The following PBRM1 variants were observed in gnomAD, a reference collection of about 807,000 sequenced individuals.
The protein encoded by PBRM1 is protein polybromo-1.
Under a neutral mutation model 194.5 loss-of-function variants are expected in PBRM1, and 27 were observed. The ratio of observed to expected loss-of-function variants is 0.14; its 90% confidence interval spans 0.10 to 0.19. The LOEUF (loss-of-function observed/expected upper bound fraction) is 0.19. Among genes scored for constraint, PBRM1 ranks in the 10% least tolerant of loss-of-function variants. PBRM1 has a pLI of 1.00. For missense variants in PBRM1, 1,466 were observed against 2,077.2 expected (o/e 0.71, Z 5.72); for synonymous variants, 655 against 693.2 (o/e 0.94, Z 0.87).
intron 10 of PBRM1, among the ~76,000 whole-genome samples, chr3:52,635,972 T>C (rs2095793598): frequency 1.3e-5 from 2 of 152,308 alleles, no homozygotes; most frequent in African/African-American, 4.8e-5. Flanking sequence ...CAAATGATTC[T>C]CCTGCCTCAG....
At chr3:52,567,607 A>AAAGAAAAG (rs1233763251) in intron 22 of PBRM1, among the ~76,000 whole-genome samples, 1 of 151,048 alleles carries the variant, frequency 6.6e-6, no homozygotes, top group Non-Finnish European at 1.5e-5. Context: ...GAAAAATGAA[A>AAAGAAAAG]AAGAAAAGAA....
chr3:52,659,710 A>C (rs574804658), intron 4 of PBRM1, among the ~76,000 whole-genome samples: 4 of 152,186 alleles, frequency 2.6e-5, no homozygotes, highest in Non-Finnish European at 5.9e-5. Context: ...GGCGTGAGCC[A>C]CCGCACCAGA....
chr3:52,608,645 A>G (rs1199042631), intron 16 of PBRM1, among the ~76,000 whole-genome samples: 1 of 149,102 alleles, frequency 6.7e-6, no homozygotes, highest in South Asian at 2.1e-4. Flanking sequence ...TTTTTTTTTT[A>G]TATTTTTCCA....
chr3:52,546,918 A>T (rs1480263154), downstream of PBRM1: 1 of 233,128 alleles, frequency 4.3e-6, no homozygotes, highest in Non-Finnish European at 8.5e-6. Flanking sequence ...GTTGAGAATT[A>T]TAACAACATT....
intron 2 of PBRM1, among the ~76,000 whole-genome samples, chr3:52,673,012 A>G (rs887880226): frequency 3.1e-4 from 47 of 151,610 alleles, no homozygotes; most frequent in Non-Finnish European, 1.3e-4. Flanking sequence ...TTTGAGACGG[A>G]GTTTTGCTCT....
In PBRM1 at chr3:52,657,724, C is replaced by A. The variant is rs7611387; in HGVS notation, c.645+475G>T. Among the ~76,000 whole-genome samples the A allele has an allele frequency of 9.0e-3, 1,368 of 152,178 alleles. 16 individuals carry two copies. Among genetic ancestry groups the A allele is most frequent in the African/African-American group, 0.031 (1,292 of 41,514 alleles). The stretch of plus-strand genomic sequence containing the variant: ...ACCTCAGGTGATCTGCCTGTCTTGG[C>A]CTCCCAAAGTGCTGGGATTACAGGC... On this transcript the variant is annotated intron_variant, in intron 5 of 29. Transcript: ENST00000296302.
chr3:52,643,749 A>C (rs1239638105), intron 8 of PBRM1, among the ~76,000 whole-genome samples: 1 of 152,192 alleles, frequency 6.6e-6, no homozygotes, highest in Non-Finnish European at 1.5e-5. Context: ...AGGCGGGTGG[A>C]TCACAAGGTC....
At chr3:52,546,436 T>C, downstream of PBRM1, 1 of 229,544 alleles carries the variant, frequency 4.4e-6, no homozygotes, top group East Asian at 6.3e-5. Flanking sequence ...AATCCAGTGG[T>C]TGACTAAAGG....
At chr3:52,681,331 AC>A (rs2097201599), upstream of PBRM1, 1 of 152,030 alleles carries the variant, frequency 6.6e-6, no homozygotes, top group African/African-American at 2.4e-5. Context: ...ACTAAAGTCC[AC>A]ATGGTGTTTA....
intron 22 of PBRM1, among the ~76,000 whole-genome samples, chr3:52,568,642 G>A (rs1042336833): frequency 2.6e-5 from 4 of 152,014 alleles, no homozygotes; most frequent in African/African-American, 9.7e-5. Context: ...TAAGATGTGG[G>A]ATATGGCTAC....
chr3:52,646,075 A>C (rs1192749468), intron 7 of PBRM1, among the ~76,000 whole-genome samples: 1 of 152,174 alleles, frequency 6.6e-6, no homozygotes, highest in East Asian at 1.9e-4. Context: ...AAATAATTAG[A>C]CCCAAAAGTA....
At chr3:52,587,328 C>T (rs780657813) in intron 19 of PBRM1, 25 bp downstream of exon 21, 2 of 1,537,284 alleles carry the variant, frequency 1.3e-6, no homozygotes, top group East Asian at 4.5e-5. Flanking sequence ...ATGAGTGAGA[C>T]TTTGGGATTT....
chr3:52,560,027 G>T (rs1460460754), intron 25 of PBRM1, among the ~76,000 whole-genome samples: 2 of 152,032 alleles, frequency 1.3e-5, no homozygotes, highest in Non-Finnish European at 2.9e-5. Flanking sequence ...TTCAATGAGA[G>T]AAAACATCAA....
chr3:52,650,246 C>T (rs62253741), intron 6 of PBRM1, among the ~76,000 whole-genome samples: 12,681 of 151,216 alleles, frequency 0.084, 730 homozygotes, highest in Non-Finnish European at 0.13. Context: ...GCCTATAATC[C>T]CAGCTACTCG....
chr3:52,646,595 C>T (rs1056617514), intron 7 of PBRM1, among the ~76,000 whole-genome samples: 2 of 151,044 alleles, frequency 1.3e-5, no homozygotes, highest in Admixed American at 6.7e-5. Flanking sequence ...TAAACCCATA[C>T]ATCTATGGTC....
chr3:52,670,257 A>G lies in PBRM1; in HGVS notation c.237-1612T>C, dbSNP rs576786341. Among the ~76,000 whole-genome samples the G allele has an allele frequency of 3.3e-5, 5 of 152,314 alleles. No individual in the cohort carries two copies. In the East Asian group the frequency reaches 9.6e-4, roughly 29 times the overall value. ...AGACAAAAGAAAAATCAGGATCCCA[A>G]CCTCTCACTCTATGTCATATGGTCA... On this transcript the variant is annotated intron_variant, in intron 2 of 29. Coordinates refer to ENST00000296302, the Ensembl canonical transcript of PBRM1.
At chr3:52,561,035 C>G (rs1050619473) in intron 25 of PBRM1, among the ~76,000 whole-genome samples, 4 of 151,820 alleles carry the variant, frequency 2.6e-5, no homozygotes, top group Non-Finnish European at 5.9e-5. Flanking sequence ...AACAGTACTG[C>G]CTAATCTAAT....
chr3:52,668,745 G>C, intron 2 of PBRM1, 100 bp from the exon 4 acceptor site: 2 of 405,736 alleles, frequency 4.9e-6, no homozygotes, highest in East Asian at 9.5e-5. Context: ...CCAAGTGACA[G>C]AGCATATTAG....
At chr3:52,576,132 T>C (rs1167381087) in intron 22 of PBRM1, among the ~76,000 whole-genome samples, 1 of 151,970 alleles carries the variant, frequency 6.6e-6, no homozygotes, top group African/African-American at 2.4e-5. Flanking sequence ...TAATGGGAGT[T>C]CCTGAAGGAA....
Sources: allele counts gnomAD v4.1 joint callset (sites outside exome capture counted in the v4.1 genomes callset), GRCh38; gene constraint gnomAD v4.1.1; transcripts MANE v1.5; gene names NCBI Gene and HGNC (gene_info 2026-07-23, HGNC 2026-07-21).